The following SPAG16 variants were observed in gnomAD, a reference collection of about 807,000 sequenced individuals.
The protein encoded by SPAG16 is sperm associated antigen 16, also known as sperm-associated antigen 16 protein.
Under a neutral mutation model 80.4 loss-of-function variants are expected in SPAG16, and 86 were observed. The observed-to-expected ratio is 1.07, with a 90% CI of 0.90 to 1.28. SPAG16 has a LOEUF of 1.28. Ranked by LOEUF, SPAG16 falls within the 50% of genes most tolerant of loss-of-function variation. The probability of loss-of-function intolerance (pLI) is 0.00; values close to 1 mark genes in which losing one functional copy is unlikely to be tolerated. For missense variants in SPAG16, 870 were observed against 765.3 expected, an observed-to-expected ratio of 1.14 and a Z score of -1.61; for synonymous variants, 294 against 265.9, an observed-to-expected ratio of 1.11 and a Z score of -1.03.
chr2:213,288,140 A>T (rs750572764), intron 1 of SPAG16, among the ~76,000 whole-genome samples: 5 of 151,806 alleles, frequency 3.3e-5, no homozygotes, highest in Non-Finnish European at 7.4e-5. Context: ...TTGGTCTCGA[A>T]CTCCTGTGCT....
At chr2:213,746,462 G>A (rs2067827849) in intron 10 of SPAG16, among the ~76,000 whole-genome samples, 1 of 152,196 alleles carries the variant, frequency 6.6e-6, no homozygotes, top group South Asian at 2.1e-4. Context: ...ATACTCTGTG[G>A]TTGTGGTGAT....
intron 13 of SPAG16, among the ~76,000 whole-genome samples, chr2:214,088,523 A>G (rs985482037): frequency 2.2e-4 from 33 of 152,184 alleles, no homozygotes; most frequent in Non-Finnish European, 3.5e-4. Context: ...CATTAGCCAT[A>G]CTAAACAATA....
chr2:214,328,955 A>G (rs1696694661), intron 15 of SPAG16, among the ~76,000 whole-genome samples: 1 of 152,186 alleles, frequency 6.6e-6, no homozygotes, highest in Non-Finnish European at 1.5e-5. Flanking sequence ...AAACTAGCCT[A>G]AATTTTTCAT....
intron 14 of SPAG16, among the ~76,000 whole-genome samples, chr2:214,124,609 C>T (rs569868978): frequency 1.8e-4 from 27 of 151,768 alleles, no homozygotes; most frequent in Non-Finnish European, 3.5e-4. Flanking sequence ...CTCATAAGCA[C>T]AATTACAAGA....
intron 10 of SPAG16, among the ~76,000 whole-genome samples, chr2:213,737,899 T>C (rs565324900): frequency 1.3e-5 from 2 of 152,304 alleles, no homozygotes; most frequent in South Asian, 4.1e-4. Flanking sequence ...TGTGTCTCTT[T>C]TTCTGTCTAT....
rs896272475 is a variant in SPAG16 at position 214,173,595 on chromosome 2, C to T, written c.1720+24329C>T. Among the ~76,000 whole-genome samples the T allele has an allele frequency of 4.1e-4, 63 of 151,956 alleles. 1 individual carries two copies. The highest frequency in any genetic ancestry group is 3.4e-3 in the Middle Eastern group (1 of 294). ...GTGGCAATAATCAATAGCTTACCAA[C>T]CAAAAAGAGTCCAGGACCAGATGGA... On this transcript the variant is annotated intron_variant, in intron 15 of 15. Coordinates refer to ENST00000331683, the MANE Select transcript of SPAG16 (RefSeq NM_024532.5).
chr2:213,604,996 A>G (rs918714356), intron 10 of SPAG16, among the ~76,000 whole-genome samples: 1 of 150,326 alleles, frequency 6.7e-6, no homozygotes, highest in Admixed American at 6.6e-5. Context: ...ATTGAGTTCT[A>G]TTATCTTTTT....
intron 10 of SPAG16, among the ~76,000 whole-genome samples, chr2:213,542,089 AT>A (rs1463672427): frequency 2.6e-5 from 4 of 152,170 alleles, no homozygotes; most frequent in Non-Finnish European, 5.9e-5. Context: ...TTTGATGAGA[AT>A]TTTTTTCTGT....
chr2:214,114,763 G>A (rs1184184671), intron 14 of SPAG16, among the ~76,000 whole-genome samples: 2 of 152,162 alleles, frequency 1.3e-5, no homozygotes, highest in African/African-American at 2.4e-5. Context: ...TGTGCTTCCC[G>A]GGTGAGGCAA....
chr2:213,747,098 A>G (rs2067860249), intron 10 of SPAG16, among the ~76,000 whole-genome samples: 1 of 152,208 alleles, frequency 6.6e-6, no homozygotes, highest in Non-Finnish European at 1.5e-5. Flanking sequence ...AGACAGTGAT[A>G]TTGATGACCC....
At chr2:213,309,932 C>T in intron 3 of SPAG16, 127 bp from the exon 4 acceptor site, 1 of 589,754 alleles carries the variant, frequency 1.7e-6, no homozygotes, top group Non-Finnish European at 3.0e-6. Context: ...TGGTTCCTGG[C>T]ATATAACAGT....
At chr2:214,343,060 A>G (rs2126034148) in intron 15 of SPAG16, among the ~76,000 whole-genome samples, 1 of 152,302 alleles carries the variant, frequency 6.6e-6, no homozygotes, top group South Asian at 2.1e-4. Context: ...TAAAATGTAC[A>G]TGTTACAAAA....
At chr2:213,387,603 C>T (rs575390348) in intron 9 of SPAG16, among the ~76,000 whole-genome samples, 3 of 136,658 alleles carry the variant, frequency 2.2e-5, no homozygotes, top group Admixed American at 7.4e-5. Flanking sequence ...TACAGGCGCC[C>T]GCCACCACGC....
intron 10 of SPAG16, among the ~76,000 whole-genome samples, chr2:213,680,846 G>A (rs1182034748): frequency 6.6e-6 from 1 of 152,146 alleles, no homozygotes; most frequent in African/African-American, 2.4e-5. Flanking sequence ...AAATACATTG[G>A]TTTGGTTCAG....
chr2:214,393,789 G>T (rs886136320), intron 15 of SPAG16, among the ~76,000 whole-genome samples: 12 of 152,088 alleles, frequency 7.9e-5, no homozygotes, highest in Non-Finnish European at 1.3e-4. Flanking sequence ...TCTAGAAAAA[G>T]AAACACATCA....
intron 4 of SPAG16, among the ~76,000 whole-genome samples, chr2:213,314,805 GTCTTC>G (rs2063333472): frequency 6.6e-6 from 1 of 151,838 alleles, no homozygotes; most frequent in Non-Finnish European, 1.5e-5. Context: ...AAAAGCCTAT[GTCTTC>G]TCTTCTGAGA....
intron 13 of SPAG16, among the ~76,000 whole-genome samples, chr2:214,100,336 A>G (rs1228858846): frequency 3.9e-5 from 6 of 152,058 alleles, no homozygotes; most frequent in South Asian, 2.1e-4. Flanking sequence ...TTGATTTAAC[A>G]TATCAAAAAG....
chr2:213,532,857 TTCTA>T (rs1453491129), intron 10 of SPAG16, among the ~76,000 whole-genome samples: 1 of 152,202 alleles, frequency 6.6e-6, no homozygotes, highest in African/African-American at 2.4e-5. Flanking sequence ...ATTCTTATGC[TTCTA>T]TCTTATAACC....
intron 6 of SPAG16, among the ~76,000 whole-genome samples, chr2:213,348,129 A>G (rs1229867217): frequency 6.6e-6 from 1 of 152,122 alleles, no homozygotes; most frequent in Non-Finnish European, 1.5e-5. Context: ...TCCCTTTACC[A>G]TTATGTAATG....
Sources: allele counts gnomAD v4.1 joint callset (sites outside exome capture counted in the v4.1 genomes callset), GRCh38; gene constraint gnomAD v4.1.1; transcripts MANE v1.5; gene names NCBI Gene and HGNC (gene_info 2026-07-23, HGNC 2026-07-21).